BRIP1: variants seen among roughly 807,000 people sequenced by gnomAD.
BRIP1 encodes BRCA1 interacting DNA helicase 1.
BRIP1 carries 88 observed loss-of-function variants against 119.7 expected under a neutral mutation model. The ratio of observed to expected loss-of-function variants is 0.74; its 90% confidence interval spans 0.62 to 0.88. The LOEUF (loss-of-function observed/expected upper bound fraction) is 0.88, where lower values mean the gene tolerates loss of function less well. BRIP1 is among the 40% of genes least tolerant of loss of function. The pLI, the probability that BRIP1 is intolerant of heterozygous loss-of-function variation, is 0.00. For synonymous variants in BRIP1, 443 were observed against 496.5 expected, an observed-to-expected ratio of 0.89 and a Z score of 1.43; for missense variants, 1,259 against 1,455.4, an observed-to-expected ratio of 0.87 and a Z score of 2.20.
intron 16 of BRIP1, among the ~76,000 whole-genome samples, chr17:61,723,607 CACCATAA>C (rs1280553104): frequency 6.6e-6 from 1 of 152,140 alleles, no homozygotes; most frequent in Non-Finnish European, 1.5e-5. Context: ...AGAAAGTAAG[CACCATAA>C]ACTGAGCTCA....
chr17:61,831,263 T>C lies in BRIP1; in HGVS notation c.627+15838A>G, dbSNP rs929454973. Among the ~76,000 whole-genome samples the C allele has an allele frequency of 3.3e-5, 5 of 152,136 alleles. No individual in the cohort carries two copies. The highest frequency in any genetic ancestry group is 7.4e-5 in the Non-Finnish European group (5 of 68,024). ...CACTCTAATTCAGCCTTGTACTGCA[T>C]GAAAGGTAAACACTGTAAAGGAAGA... On this transcript the variant is annotated intron_variant, in intron 6 of 19. Transcript: ENST00000259008. The surrounding 1 kb of genome is among the most constrained non-coding windows in gnomAD (Gnocchi z 4.1).
Position 61,799,166 on chromosome 17 carries a change from A to T in BRIP1, c.1274T>A (p.Met425Lys), listed in dbSNP as rs1555607090. The change falls in exon 9 of 20, where the codon ATG (methionine) becomes AAG (lysine). Residue 425 changes from methionine to lysine, a missense_variant. Physicochemically the swap from Met to Lys is moderately conservative, Grantham distance 95. Transcript: ENST00000259008. This position sits in a 1 kb window ranked among gnomAD's most constrained non-coding sequence, Gnocchi z 5.1. ...TTTCTTCCTTATATTATTGTTGACCATACTATCTAGTTCATCCCGAGCAAA... is the reference window on the plus strand; with the variant it reads ...TTTCTTCCTTATATTATTGTTGACCTTACTATCTAGTTCATCCCGAGCAAA... ...LRFARDELDS[M>K]VNNNIRKKDH... 6.2e-7 allele frequency: 1 copy of T among 1,613,772 alleles called. No individual in the cohort carries two copies. The highest frequency in any genetic ancestry group is 8.5e-7 in the Non-Finnish European group (1 of 1,179,734).
At chr17:61,784,139 T>C (rs1567816569) in intron 11 of BRIP1, 131 bp downstream of exon 11, 10 of 785,250 alleles carry the variant, frequency 1.3e-5, no homozygotes, top group Non-Finnish European at 8.2e-6. Flanking sequence ...AGCAAATATA[T>C]AATAATATCT....
chr17:61,693,668 T>C lies in BRIP1; in HGVS notation c.2493-156A>G, dbSNP rs950208581. On this transcript the variant is annotated intron_variant, in intron 17 of 19. Transcript: ENST00000259008. This position sits in a 1 kb window ranked among gnomAD's most constrained non-coding sequence, Gnocchi z 4.2. ...AAGTTACAGAAGCTATCCAACACAA[T>C]GTAACAAACTAGATGTATTAAAAAT... Among the ~76,000 whole-genome samples, 13 of 152,132 alleles carry C rather than the reference T, an allele frequency of 8.5e-5. No homozygotes were observed. The highest frequency in any genetic ancestry group is 1.5e-4 in the Non-Finnish European group (10 of 67,988).
chr17:61,773,619 C>T (rs1216862928), intron 14 of BRIP1, among the ~76,000 whole-genome samples: 1 of 151,978 alleles, frequency 6.6e-6, no homozygotes. Flanking sequence ...TCAGAGTGAA[C>T]AGCCTACAGA....
At chr17:61,812,984 A>G (rs1348642365) in intron 6 of BRIP1, among the ~76,000 whole-genome samples, 2 of 152,176 alleles carry the variant, frequency 1.3e-5, no homozygotes, top group African/African-American at 4.8e-5. Context: ...TCACACAAAA[A>G]AATACTATGC....
chr17:61,824,016 T>C lies in BRIP1; in HGVS notation c.628-15259A>G, dbSNP rs1199391037. On this transcript the variant is annotated intron_variant, in intron 6 of 19. Transcript: ENST00000259008. This position sits in a 1 kb window ranked among gnomAD's most constrained non-coding sequence, Gnocchi z 4.3. ...TTTTAGTAGACACAGGGTGTCACCA[T>C]GTTAGCCAGGCTGGTCTCAAACTCC... Among the ~76,000 whole-genome samples, 1 of 152,158 alleles carries C rather than the reference T, an allele frequency of 6.6e-6. No individual in the cohort carries two copies. Among genetic ancestry groups the C allele is most frequent in the African/African-American group, 2.4e-5 (1 of 41,436 alleles).
intron 10 of BRIP1, among the ~76,000 whole-genome samples, chr17:61,788,675 A>G (rs9893175): frequency 0.99 from 150,368 of 152,294 alleles, 74,264 homozygotes; most frequent in East Asian, 1. Context: ...AATTAGAGGG[A>G]CTGGGTGTAG....
At position 61,814,343 on chromosome 17, in the gene BRIP1, C is replaced by T. The variant is rs564854072; in HGVS notation, c.628-5586G>A. ...AGGGGGCACAGGCTGACAGAAGATA[C>T]TTGCAGTGCTTACAGTCAAGTGAGG... On this transcript the variant is annotated intron_variant, in intron 6 of 19. Coordinates refer to ENST00000259008, the MANE Select transcript of BRIP1 (RefSeq NM_032043.3). This position sits in a 1 kb window ranked among gnomAD's most constrained non-coding sequence, Gnocchi z 4.9. Among the ~76,000 whole-genome samples, 4 of 152,150 alleles carry T rather than the reference C, an allele frequency of 2.6e-5. No homozygotes were observed. The highest frequency in any genetic ancestry group is 4.4e-5 in the Non-Finnish European group (3 of 67,894).
rs1024252744 is a variant in BRIP1, at chr17:61,828,495, T to C, written c.627+18606A>G. On this transcript the variant is annotated intron_variant, in intron 6 of 19. Coordinates refer to ENST00000259008, the MANE Select transcript of BRIP1 (RefSeq NM_032043.3). The surrounding 1 kb of genome is among the most constrained non-coding windows in gnomAD (Gnocchi z 4.1). Reference sequence around the variant, plus strand: ...GGCACTAGATAATAGTATATAAATATGCATAATACCACTGAATTTACACTT... The same window carrying C: ...GGCACTAGATAATAGTATATAAATACGCATAATACCACTGAATTTACACTT... Among the ~76,000 whole-genome samples the C allele has an allele frequency of 2.6e-5, 4 of 152,144 alleles. No homozygotes were observed. The highest frequency in any genetic ancestry group is 5.9e-5 in the Non-Finnish European group (4 of 68,026).
chr17:61,725,933 T>A lies in BRIP1; in HGVS notation c.2380-9870A>T, dbSNP rs2076760352. Among the ~76,000 whole-genome samples, 1 of 152,118 alleles carries A rather than the reference T, an allele frequency of 6.6e-6. No homozygotes were observed. The highest frequency in any genetic ancestry group is 1.9e-4 in the East Asian group (1 of 5,190). On this transcript the variant is annotated intron_variant, in intron 16 of 19. Coordinates refer to ENST00000259008, the MANE Select transcript of BRIP1 (RefSeq NM_032043.3). This position sits in a 1 kb window ranked among gnomAD's most constrained non-coding sequence, Gnocchi z 5.3. ...TATCCACCATGCCTGGCCTAAAAAA[T>A]TCTTTTTAAGAGTAATGACCTTTGT...
intron 10 of BRIP1, among the ~76,000 whole-genome samples, chr17:61,784,635 G>A (rs1292638469): frequency 2.0e-5 from 3 of 152,174 alleles, no homozygotes. Flanking sequence ...TTGGGACCAT[G>A]GGGGTAGATA....
intron 9 of BRIP1, among the ~76,000 whole-genome samples, chr17:61,797,457 T>C (rs2077918283): frequency 6.6e-6 from 1 of 151,894 alleles, no homozygotes; most frequent in African/African-American, 2.4e-5. Flanking sequence ...AATATAGAGA[T>C]CACTAGTGAT....
rs193012094 is a variant in BRIP1, at chr17:61,830,397, C to T, written c.627+16704G>A. Among the ~76,000 whole-genome samples the T allele has an allele frequency of 7.3e-5, 11 of 149,982 alleles. 1 individual carries two copies. In the South Asian group the frequency reaches 1.0e-3, roughly 14 times the overall value. On this transcript the variant is annotated intron_variant, in intron 6 of 19. Coordinates refer to ENST00000259008, the MANE Select transcript of BRIP1 (RefSeq NM_032043.3). ...GATCAATAAAATGGATAAACCTCTACTACCTATTACAGATTGAGCAAAATG... is the reference window on the plus strand; with the variant it reads ...GATCAATAAAATGGATAAACCTCTATTACCTATTACAGATTGAGCAAAATG...
intron 16 of BRIP1, among the ~76,000 whole-genome samples, chr17:61,733,715 T>C (rs1240575268): frequency 1.3e-5 from 2 of 152,196 alleles, no homozygotes; most frequent in Non-Finnish European, 2.9e-5. Flanking sequence ...ATGGTTATTG[T>C]ATGCTAATAG....
Position 61,823,033 on chromosome 17 carries a change from C to G in BRIP1, c.628-14276G>C, listed in dbSNP as rs146234154. 2.1e-3 allele frequency among the ~76,000 whole-genome samples: 314 copies of G among 152,276 alleles called. 1 individual carries two copies. Among genetic ancestry groups the G allele is most frequent in the Middle Eastern group, 0.01 (3 of 294 alleles). ...CAAGGAGAATCTGACATTTTTACTG[C>G]CCTGATGTGTGCCTACTTCACTAAA... On this transcript the variant is annotated intron_variant, in intron 6 of 19. Coordinates refer to ENST00000259008, the MANE Select transcript of BRIP1 (RefSeq NM_032043.3). This position sits in a 1 kb window ranked among gnomAD's most constrained non-coding sequence, Gnocchi z 4.8.
At position 61,744,009 on chromosome 17, in the gene BRIP1, A is replaced by G. The variant is rs150197090; in HGVS notation, c.2257+423T>C. On this transcript the variant is annotated intron_variant, in intron 15 of 19. Transcript: ENST00000259008. The surrounding 1 kb of genome is among the most constrained non-coding windows in gnomAD (Gnocchi z 5.0). Reference sequence around the variant, plus strand: ...GCCTCACATCAAACTCTTCATGGATATGCTCTAACTTGGAATTGAGTTTTC... The same window carrying G: ...GCCTCACATCAAACTCTTCATGGATGTGCTCTAACTTGGAATTGAGTTTTC... 1.3e-5 allele frequency among the ~76,000 whole-genome samples: 2 copies of G among 152,318 alleles called. No individual in the cohort carries two copies. The highest frequency in any genetic ancestry group is 4.8e-5 in the African/African-American group (2 of 41,580).
chr17:61,731,305 C>T (rs1002542981), intron 16 of BRIP1, among the ~76,000 whole-genome samples: 1 of 152,080 alleles, frequency 6.6e-6, no homozygotes, highest in Non-Finnish European at 1.5e-5. Context: ...CATCCATTTC[C>T]CCTGGGTAAC....
rs1177650866 is a variant in BRIP1, at chr17:61,862,799, C to CTA, written c.-31+484_-31+485insTA. On this transcript the variant is annotated intron_variant, in intron 1 of 19. Transcript: ENST00000259008. The surrounding 1 kb of genome is among the most constrained non-coding windows in gnomAD (Gnocchi z 5.3). ...CAATAGATTATGAAGCCAATAATAACATTCACCACTGCTTGTGTGCTCCAA... is the reference window on the plus strand; with the variant it reads ...CAATAGATTATGAAGCCAATAATAACTAATTCACCACTGCTTGTGTGCTCCAA... Among the ~76,000 whole-genome samples the CTA allele has an allele frequency of 1.3e-5, 2 of 152,138 alleles. No homozygotes were observed. Among genetic ancestry groups the CTA allele is most frequent in the African/African-American group, 4.8e-5 (2 of 41,426 alleles).
Sources: allele counts gnomAD v4.1 joint callset (sites outside exome capture counted in the v4.1 genomes callset), GRCh38; gene constraint gnomAD v4.1.1; non-coding constraint Gnocchi (gnomAD v3.1); transcripts MANE v1.5; gene names NCBI Gene and HGNC (gene_info 2026-07-23, HGNC 2026-07-21).